Variants in VPS13A observed in about 807,000 individuals in gnomAD.
VPS13A encodes vacuolar protein sorting 13 homolog A.
VPS13A carries 264 observed loss-of-function variants against 390.9 expected under a neutral mutation model. That is an observed-to-expected ratio of 0.68 (90% CI 0.61 to 0.75). VPS13A has a LOEUF of 0.75. VPS13A is among the 30% of genes least tolerant of loss of function. The pLI is 0.00. For synonymous variants in VPS13A, 1,231 were observed against 1,227.1 expected (o/e 1.00, Z -0.07); for missense variants, 3,409 against 3,733.9 (o/e 0.91, Z 2.27).
intron 13 of VPS13A, 110 bp from the exon 14 acceptor site, chr9:77,225,816 C>G: frequency 1.2e-6 from 1 of 800,334 alleles, no homozygotes. Flanking sequence ...CTGTTGTTTG[C>G]TTCCTATTAT....
At chr9:77,181,271 C>A (rs1190216695) in intron 1 of VPS13A, among the ~76,000 whole-genome samples, 1 of 151,682 alleles carries the variant, frequency 6.6e-6, no homozygotes, top group South Asian at 2.1e-4. Flanking sequence ...GCCTGTAATC[C>A]CAGCACTTTG....
At chr9:77,394,436 G>A (rs901746516) in intron 68 of VPS13A, among the ~76,000 whole-genome samples, 6 of 152,104 alleles carry the variant, frequency 3.9e-5, no homozygotes, top group Non-Finnish European at 8.8e-5. Flanking sequence ...AGGCATGGCG[G>A]CAGCCACCTG....
In VPS13A at chr9:77,228,327, A is replaced by G. The variant is rs147072379; in HGVS notation, c.1595+63A>G. On this transcript the variant is annotated intron_variant, in intron 17 of 71. Transcript: ENST00000360280. Reference sequence around the variant, plus strand: ...AAACTTCACTGTGTTCTTAGACATTAGGTCACAATCTTAGTCTTTTGTAAA... The same window carrying G: ...AAACTTCACTGTGTTCTTAGACATTGGGTCACAATCTTAGTCTTTTGTAAA... The G allele has an allele frequency of 2.0e-4, 291 of 1,453,192 alleles. No homozygotes were observed. The African/African-American group carries it at 3.8e-3, about 19-fold the overall frequency. The allele number at this position is 1,453,192 out of a possible 1,614,324, so 90.0% of individuals were successfully genotyped here.
At chr9:77,263,823 T>C (rs1197999935) in intron 23 of VPS13A, among the ~76,000 whole-genome samples, 1 of 152,216 alleles carries the variant, frequency 6.6e-6, no homozygotes, top group Non-Finnish European at 1.5e-5. Flanking sequence ...CTTTGCCCAT[T>C]CCTGTATCCT....
At chr9:77,358,530 G>T in intron 57 of VPS13A, 92 bp downstream of exon 57, 1 of 1,131,076 alleles carries the variant, frequency 8.8e-7, no homozygotes, top group Non-Finnish European at 1.3e-6. Context: ...CCATTCTTGG[G>T]TTTAATTTTT....
Position 77,382,061 on chromosome 9 carries a change from G to A in VPS13A, c.9163G>A (p.Asp3055Asn). 6.2e-7 allele frequency: 1 copy of A among 1,607,742 alleles called. No homozygotes were observed. Among genetic ancestry groups the A allele is most frequent in the Non-Finnish European group, 8.5e-7 (1 of 1,176,722 alleles). Residue 3055 changes from aspartate (D) to asparagine (N), a missense_variant, in exon 68 of 72, where the codon GAT (aspartate) becomes AAT (asparagine). By Grantham distance (23) the Asp-to-Asn change is conservative. Coordinates refer to ENST00000360280, the MANE Select transcript of VPS13A (RefSeq NM_033305.3). Reference protein sequence around the residue: ...DGVIRPYRLRDGTGNQMLQVM... With the variant: ...DGVIRPYRLRNGTGNQMLQVM... ...AGTTATCAGACCGTACAGGTTGAGGGATGGGACTGGAAATCAAATGTTACA... is the reference window on the plus strand; with the variant it reads ...AGTTATCAGACCGTACAGGTTGAGGAATGGGACTGGAAATCAAATGTTACA...
chr9:77,237,699 G>A (rs953655666), intron 17 of VPS13A, among the ~76,000 whole-genome samples: 1 of 152,136 alleles, frequency 6.6e-6, no homozygotes, highest in African/African-American at 2.4e-5. Flanking sequence ...AAGAAAACAT[G>A]TTTATAGACT....
intron 22 of VPS13A, 68 bp from the exon 23 acceptor site, chr9:77,260,018 T>A: frequency 2.0e-5 from 21 of 1,046,940 alleles, no homozygotes; most frequent in Non-Finnish European, 2.8e-5. Context: ...GAGAACAGTC[T>A]TTTTAATTAG....
chr9:77,335,969 A>G (rs1293684923), intron 46 of VPS13A, among the ~76,000 whole-genome samples: 22 of 152,228 alleles, frequency 1.4e-4, no homozygotes, highest in African/African-American at 4.3e-4. Flanking sequence ...ATGCCCATCA[A>G]TGATAGACTG....
chr9:77,189,863 G>A (rs566250813), intron 1 of VPS13A, among the ~76,000 whole-genome samples: 8 of 151,908 alleles, frequency 5.3e-5, no homozygotes, highest in Non-Finnish European at 8.8e-5. Flanking sequence ...TTTTTGTGGC[G>A]ATTGTGAATG....
chr9:77,301,704 A>G (rs907250584), intron 33 of VPS13A, among the ~76,000 whole-genome samples: 3 of 152,188 alleles, frequency 2.0e-5, no homozygotes, highest in Non-Finnish European at 2.9e-5. Context: ...AAGGGGTTCA[A>G]TTGACCTACA....
rs1001297086 is a variant in VPS13A at position 77,328,343 on chromosome 9, C to A, written c.5992-3667C>A. 5.3e-5 allele frequency among the ~76,000 whole-genome samples: 8 copies of A among 152,270 alleles called. No individual in the cohort carries two copies. In the East Asian group the frequency reaches 1.5e-3, roughly 29 times the overall value. ...AGTCTTTGTTTTTCCATTTATAGAG[C>A]ACAGAGTAGAGTTAGCATATTCTTA... is the stretch of plus-strand genomic sequence containing the variant. On this transcript the variant is annotated intron_variant, in intron 45 of 71. Transcript: ENST00000360280.
chr9:77,291,480 G>T (rs961736039), intron 31 of VPS13A, among the ~76,000 whole-genome samples: 1 of 152,138 alleles, frequency 6.6e-6, no homozygotes, highest in Non-Finnish European at 1.5e-5. Context: ...GGGGTGGGGG[G>T]TTGAGCTTAG....
intron 1 of VPS13A, among the ~76,000 whole-genome samples, chr9:77,192,183 T>C (rs1252292100): frequency 6.6e-6 from 1 of 152,228 alleles, no homozygotes; most frequent in Non-Finnish European, 1.5e-5. Flanking sequence ...TTTTTTGTTT[T>C]ACTTGCTTGA....
At chr9:77,199,102 TTTC>T (rs1193753663) in intron 1 of VPS13A, among the ~76,000 whole-genome samples, 1 of 152,234 alleles carries the variant, frequency 6.6e-6, no homozygotes, top group Non-Finnish European at 1.5e-5. Flanking sequence ...TCTTACAGCA[TTTC>T]TTCTTTCTGT....
At chr9:77,318,657 T>C in intron 41 of VPS13A, 66 bp downstream of exon 41, 1 of 1,299,420 alleles carries the variant, frequency 7.7e-7, no homozygotes, top group Non-Finnish European at 1.1e-6. Flanking sequence ...CAGATAATGA[T>C]ACATATGGAA....
intron 67 of VPS13A, among the ~76,000 whole-genome samples, chr9:77,380,926 T>C (rs1232705400): frequency 6.6e-6 from 1 of 152,224 alleles, no homozygotes; most frequent in Non-Finnish European, 1.5e-5. Context: ...TGAAACTTGC[T>C]TGCCACTACT....
rs576556580 is a variant in VPS13A at position 77,196,867 on chromosome 9, A to T, written c.101-3078A>T. On this transcript the variant is annotated intron_variant, in intron 1 of 71. Transcript: ENST00000360280. ...TTTGGGATATTTATACATTAGTGGG[A>T]ATGATGGATCATATGGTAATTTTAT... Among the ~76,000 whole-genome samples the T allele has an allele frequency of 5.6e-4, 85 of 152,270 alleles. 2 individuals carry two copies. The highest frequency in any genetic ancestry group is 6.9e-4 in the Non-Finnish European group (47 of 68,020).
rs116890795 is a variant in VPS13A, at chr9:77,404,868, C to G, written c.9276-996C>G. 8.5e-3 allele frequency among the ~76,000 whole-genome samples: 1,287 copies of G among 152,286 alleles called. 10 individuals carry two copies. The highest frequency in any genetic ancestry group is 0.014 in the South Asian group (68 of 4,818). ...ATGTCCTGGGGCACCACTAGGTTTGCTCCATCAGCTCCTGTAATCCAGGAC... is the reference window on the plus strand; with the variant it reads ...ATGTCCTGGGGCACCACTAGGTTTGGTCCATCAGCTCCTGTAATCCAGGAC... On this transcript the variant is annotated intron_variant, in intron 69 of 71. Coordinates refer to ENST00000360280, the MANE Select transcript of VPS13A (RefSeq NM_033305.3).
Sources: allele counts gnomAD v4.1 joint callset (sites outside exome capture counted in the v4.1 genomes callset), GRCh38; gene constraint gnomAD v4.1.1; transcripts MANE v1.5; gene names NCBI Gene and HGNC (gene_info 2026-07-23, HGNC 2026-07-21).